ZNF512: variants seen among roughly 807,000 people sequenced by gnomAD.
ZNF512 encodes zinc finger protein 512.
In ZNF512, 25 loss-of-function variants were observed where a neutral mutation model predicts 77.5. That is an observed-to-expected ratio of 0.32 (90% confidence interval 0.23 to 0.45). The LOEUF is 0.45. Among genes scored for constraint, ZNF512 ranks in the 20% least tolerant of loss-of-function variants. The pLI, the probability that ZNF512 is intolerant of heterozygous loss-of-function variation, is 1.00. For synonymous variants in ZNF512, 246 were observed against 239.9 expected (o/e 1.03, Z -0.24); for missense variants, 483 against 692.6 (o/e 0.70, Z 3.40).
In ZNF512 at chr2:27,602,418, T is replaced by G. The variant is rs753211317; in HGVS notation, c.670-45T>G. 5 of 1,581,906 alleles carry G rather than the reference T, an allele frequency of 3.2e-6. No individual in the cohort carries two copies. In the South Asian group the frequency reaches 5.7e-5, roughly 18 times the overall value. On this transcript the variant is annotated intron_variant, in intron 7 of 13. Coordinates refer to ENST00000355467, the MANE Select transcript of ZNF512 (RefSeq NM_032434.4). Reference sequence around the variant, plus strand: ...TGATATTTTTTTTCCCTGTGTCTTATCTTTTCCATGAATCATCTTCTTGTT... The same window carrying G: ...TGATATTTTTTTTCCCTGTGTCTTAGCTTTTCCATGAATCATCTTCTTGTT...
chr2:27,603,424 A>G (rs1361088357), intron 9 of ZNF512, 117 bp downstream of exon 9: 3 of 1,089,318 alleles, frequency 2.8e-6, no homozygotes, highest in Non-Finnish European at 3.9e-6. Context: ...TAATCTCTGA[A>G]TGCTTGTGTG....
chr2:27,604,031 A>G (rs1323054110), intron 9 of ZNF512, among the ~76,000 whole-genome samples: 1 of 151,994 alleles, frequency 6.6e-6, no homozygotes, highest in Non-Finnish European at 1.5e-5. Flanking sequence ...GGTTCAAGCA[A>G]TTCTCCTACT....
intron 10 of ZNF512, among the ~76,000 whole-genome samples, chr2:27,613,540 A>G (rs1672755413): frequency 6.6e-6 from 1 of 152,034 alleles, no homozygotes; most frequent in Non-Finnish European, 1.5e-5. Flanking sequence ...GTCCCTCAGT[A>G]CATGTGGGGC....
At chr2:27,616,367 A>G (rs1429071185) in intron 12 of ZNF512, 43 bp downstream of exon 12, 1 of 1,472,672 alleles carries the variant, frequency 6.8e-7, no homozygotes, top group Non-Finnish European at 9.5e-7. Flanking sequence ...TGTCCTCTAA[A>G]ATAGTCTGAC....
rs1434134385 is a variant in ZNF512 at position 27,621,256 on chromosome 2, G to A, written c.1499G>A (p.Ser500Asn). ...GAAAAGCGGAGGCAGCAGCACAGGA[G>A]CAGAAGGTCTCTAAGAAGGCGGCAG... The part of the protein sequence containing the change: ...EEEKRRQQHR[S>N]RRSLRRRQQP... The change falls in exon 14 of 14, where the codon AGC becomes AAC. Residue 500 changes from serine to asparagine, a missense_variant. Around this residue, in one of 2 missense-constraint regions of ZNF512, gnomAD observed 324 missense variants for 525.0 expected, o/e 0.62. Transcript: ENST00000355467. The A allele has an allele frequency of 1.2e-6, 2 of 1,614,214 alleles. No individual in the cohort carries two copies. Among genetic ancestry groups the A allele is most frequent in the East Asian group, 2.2e-5 (1 of 44,882 alleles).
Position 27,602,479 on chromosome 2 carries a change from G to A in ZNF512, c.686G>A (p.Gly229Glu), listed in dbSNP as rs1400904380. The change falls in exon 8 of 14, where the codon GGA becomes GAA. Residue 229 changes from glycine (G) to glutamate (E), a missense_variant. Physicochemically the swap from Gly to Glu is moderately conservative, Grantham distance 98 (BLOSUM62 -2). Transcript: ENST00000355467. ...NHNSLPILKA[G>E]DEIDEPSERE... ...GATTTCTAGCCCATTTTGAAAGCCG[G>A]AGATGAAATAGATGAGCCAAGTGAG... 3 of 1,613,704 alleles carry A rather than the reference G, an allele frequency of 1.9e-6. No homozygotes were observed. The Admixed American group carries it at 5.0e-5, about 27-fold the overall frequency.
intron 2 of ZNF512, among the ~76,000 whole-genome samples, chr2:27,592,312 T>G (rs1472260893): frequency 6.6e-6 from 1 of 151,336 alleles, no homozygotes; most frequent in Non-Finnish European, 1.5e-5. Flanking sequence ...TTTATTTATT[T>G]ATTTTTATTT....
intron 6 of ZNF512, 46 bp from the exon 7 acceptor site, chr2:27,601,309 GT>G (rs1672105413): frequency 3.5e-6 from 5 of 1,410,836 alleles, no homozygotes; most frequent in Non-Finnish European, 4.9e-6. Context: ...ATGACATTCT[GT>G]TTCTCTGTGG....
At chr2:27,592,253 A>T (rs1329243518) in intron 2 of ZNF512, among the ~76,000 whole-genome samples, 1 of 152,142 alleles carries the variant, frequency 6.6e-6, no homozygotes, top group East Asian at 1.9e-4. Flanking sequence ...AGCCTCCTAA[A>T]GTGCTGGGAT....
rs140043162 is a variant in ZNF512 at position 27,603,586 on chromosome 2, G to GTGTGTGTGTATATA, written c.936+280_936+281insGTGTGTGTATATAT. Among the ~76,000 whole-genome samples, 174 of 72,368 alleles carry GTGTGTGTGTATATA rather than the reference G, an allele frequency of 2.4e-3. 1 individual carries two copies. In the East Asian group the frequency reaches 0.037, roughly 15 times the overall value. The allele number at this position is 72,368 out of a possible 152,430, so 47.5% of individuals were successfully genotyped here. A position where few individuals can be genotyped will look rare whatever the true frequency, so the allele number is the denominator to read the frequency against. On this transcript the variant is annotated intron_variant, in intron 9 of 13. Transcript: ENST00000355467. Reference sequence around the variant, plus strand: ...ATATTTTTATATAGTGTGTGTGTGTGTATATTTTTTTTTTTTTTTTTCTTC... The same window carrying GTGTGTGTGTATATA: ...ATATTTTTATATAGTGTGTGTGTGTGTGTGTGTGTATATATATATTTTTTTTTTTTTTTTTCTTC...
At position 27,615,315 on chromosome 2, in the gene ZNF512, C is replaced by A. The variant is rs777519438; in HGVS notation, c.1233+46C>A. On this transcript the variant is annotated intron_variant, in intron 11 of 13. Coordinates refer to ENST00000355467, the MANE Select transcript of ZNF512 (RefSeq NM_032434.4). Reference sequence around the variant, plus strand: ...TATTCAGTAAATGTTTATCAAGCATCTGCTCTTGCTTCTGTTATTTATTCC... The same window carrying A: ...TATTCAGTAAATGTTTATCAAGCATATGCTCTTGCTTCTGTTATTTATTCC... The A allele has an allele frequency of 3.2e-6, 4 of 1,244,994 alleles. No homozygotes were observed. The East Asian group carries it at 1.0e-4, about 31-fold the overall frequency. The allele number at this position is 1,244,994 out of a possible 1,614,324, so 77.1% of individuals were successfully genotyped here. A position where few individuals can be genotyped will look rare whatever the true frequency, so the allele number is the denominator to read the frequency against.
Position 27,598,153 on chromosome 2 carries a change from C to T in ZNF512, c.176C>T (p.Ser59Phe). ...DDSLSGSSSA[S>F]SCEPVSDFPA... is the part of the protein sequence containing the mutation. ...TCCTTAAGTGGTTCATCGTCTGCAT[C>T]TTCGTGTGAACCAGTGAGTGATTTT... The change falls in exon 3 of 14, where the codon TCT becomes TTT. Residue 59 changes from serine (S) to phenylalanine (F), a missense_variant. Physicochemically the swap from Ser to Phe is radical, Grantham distance 155. Coordinates refer to ENST00000355467, the MANE Select transcript of ZNF512 (RefSeq NM_032434.4). The T allele has an allele frequency of 6.2e-7, 1 of 1,614,132 alleles. No individual in the cohort carries two copies. Among genetic ancestry groups the T allele is most frequent in the Non-Finnish European group, 8.5e-7 (1 of 1,179,996 alleles).
Position 27,621,639 on chromosome 2 carries a change from C to T in ZNF512, c.*178C>T. The T allele has an allele frequency of 1.5e-6, 1 of 652,060 alleles. No homozygotes were observed. The highest frequency in any genetic ancestry group is 3.0e-5 in the East Asian group (1 of 33,668). The allele number at this position is 652,060 out of a possible 1,614,324, so 40.4% of individuals were successfully genotyped here. ...CCTTCTTACATTTTGATTCCCCCCT[C>T]CCCTTTTAGTAGGTTTTCCTGCTAT... On this transcript the variant is annotated 3_prime_UTR_variant, in exon 14 of 14. Transcript: ENST00000355467.
rs940463598 is a variant in ZNF512, at chr2:27,595,016, G to A, written c.90-3051G>A. Among the ~76,000 whole-genome samples, 45 of 152,266 alleles carry A rather than the reference G, an allele frequency of 3.0e-4. 1 individual carries two copies. Among genetic ancestry groups the A allele is most frequent in the African/African-American group, 1.1e-3 (44 of 41,580 alleles). On this transcript the variant is annotated intron_variant, in intron 2 of 13. Coordinates refer to ENST00000355467, the MANE Select transcript of ZNF512 (RefSeq NM_032434.4). ...TGGCGGCGCGTGCCTGCAATCCCAG[G>A]CATTGGGCAGGCCCAGGCAGGAGAA...
chr2:27,609,195 C>A (rs1228844284), intron 10 of ZNF512, among the ~76,000 whole-genome samples: 10 of 151,710 alleles, frequency 6.6e-5, no homozygotes, highest in Non-Finnish European at 1.2e-4. Context: ...AAAATTAGTC[C>A]AGAGTGGTAG....
rs776955616 is a variant in ZNF512 at position 27,603,229 on chromosome 2, C to T, written c.858C>T (p.Thr286=). 1.2e-5 allele frequency: 20 copies of T among 1,614,126 alleles called. No homozygotes were observed. The highest frequency in any genetic ancestry group is 1.7e-5 in the Non-Finnish European group (20 of 1,180,002). ...GGGCTGCAGAGCTGGAAAAGATGAC[C>T]CTGAAATGTCACCACTGTGGAAAAC... ...GKGAAELEKM[T]LKCHHCGKPY... Residue 286 remains threonine (T), a synonymous_variant, in exon 9 of 14, where the codon ACC becomes ACT. Coordinates refer to ENST00000355467, the MANE Select transcript of ZNF512 (RefSeq NM_032434.4).
Position 27,621,632 on chromosome 2 carries a change from C to A in ZNF512, c.*171C>A, listed in dbSNP as rs1673126697. ...TGTCTTCCCTTCTTACATTTTGATT[C>A]CCCCCTCCCCTTTTAGTAGGTTTTC... On this transcript the variant is annotated 3_prime_UTR_variant, in exon 14 of 14. Coordinates refer to ENST00000355467, the MANE Select transcript of ZNF512 (RefSeq NM_032434.4). 1 of 675,708 alleles carries A rather than the reference C, an allele frequency of 1.5e-6. No individual in the cohort carries two copies. Among genetic ancestry groups the A allele is most frequent in the Non-Finnish European group, 2.4e-6 (1 of 420,380 alleles). The allele number at this position is 675,708 out of a possible 1,614,324, so 41.9% of individuals were successfully genotyped here. A position where few individuals can be genotyped will look rare whatever the true frequency, so the allele number is the denominator to read the frequency against.
At position 27,617,468 on chromosome 2, in the gene ZNF512, A is replaced by T. The variant is rs1672933492; in HGVS notation, c.1297-5A>T. 4.0e-6 allele frequency: 5 copies of T among 1,263,732 alleles called. No individual in the cohort carries two copies. The highest frequency in any genetic ancestry group is 5.8e-6 in the Non-Finnish European group (5 of 860,240). 78.3% of individuals were successfully genotyped at this position (1,263,732 alleles called of 1,614,324 possible). ...AATTCTTTTTTGTTTCTCTCTTGGA[A>T]ATAGGGAAACTTTGTGGCTGGAAAA... On this transcript the variant is annotated splice_region_variant and splice_polypyrimidine_tract_variant and intron_variant, in intron 12 of 13. Transcript: ENST00000355467.
At chr2:27,617,801 CT>C (rs1174668463) in intron 13 of ZNF512, among the ~76,000 whole-genome samples, 1 of 151,472 alleles carries the variant, frequency 6.6e-6, no homozygotes, top group Non-Finnish European at 1.5e-5. Flanking sequence ...AATCCCAGCA[CT>C]TTGGGAGGCC....
Sources: gnomAD v4.1 joint callset for allele counts (sites outside exome capture counted in the v4.1 genomes callset) on GRCh38, gnomAD v4.1.1 for gene constraint, gnomAD v4.1.1 regional missense constraint, MANE v1.5 for transcripts, NCBI Gene and HGNC (gene_info 2026-07-23, HGNC 2026-07-21) for gene names.